The following ERC2 variants were observed in gnomAD, a reference collection of about 807,000 sequenced individuals.
The protein encoded by ERC2 is ELKS/RAB6-interacting/CAST family member 2.
ERC2 carries 42 observed loss-of-function variants against 114.8 expected under a neutral mutation model. The ratio of observed to expected loss-of-function variants is 0.37; its 90% CI spans 0.29 to 0.47. The LOEUF (loss-of-function observed/expected upper bound fraction) is 0.47, where lower values mean the gene tolerates loss of function less well. Among genes scored for constraint, ERC2 ranks in the 20% least tolerant of loss-of-function variants. The probability of loss-of-function intolerance (pLI) is 0.99; values close to 1 mark genes in which losing one functional copy is unlikely to be tolerated. For synonymous variants in ERC2, 454 were observed against 425.5 expected (o/e 1.07, Z -0.82); for missense variants, 939 against 1,150.7 (o/e 0.82, Z 2.66).
chr3:55,823,721 G>A (rs576467886), intron 14 of ERC2, among the ~76,000 whole-genome samples: 1 of 152,018 alleles, frequency 6.6e-6, no homozygotes, highest in Non-Finnish European at 1.5e-5. Flanking sequence ...CTTCTTCCTG[G>A]TTTCATTTTC....
intron 6 of ERC2, among the ~76,000 whole-genome samples, chr3:56,120,522 T>C (rs939477714): frequency 6.6e-6 from 1 of 152,120 alleles, no homozygotes; most frequent in East Asian, 1.9e-4. Flanking sequence ...AATGAAACTA[T>C]TGAGGAGGTG....
intron 3 of ERC2, among the ~76,000 whole-genome samples, chr3:56,283,025 C>T (rs2054452212): frequency 6.6e-6 from 1 of 152,176 alleles, no homozygotes; most frequent in Admixed American, 6.5e-5. Context: ...TCAGAAGTCC[C>T]CACGGTCAGC....
intron 3 of ERC2, among the ~76,000 whole-genome samples, chr3:56,175,700 G>T (rs564964159): frequency 6.6e-6 from 1 of 152,230 alleles, no homozygotes; most frequent in African/African-American, 2.4e-5. Context: ...ATCCCTGAAT[G>T]CAGAATTGGG....
At chr3:55,800,590 G>GTGAC (rs1010435671) in intron 14 of ERC2, among the ~76,000 whole-genome samples, 2 of 152,034 alleles carry the variant, frequency 1.3e-5, no homozygotes, top group African/African-American at 2.4e-5. Flanking sequence ...AAGACCTAAG[G>GTGAC]TGACTCCACA....
At chr3:55,846,693 TTCTCTCTC>T (rs34647203) in intron 14 of ERC2, among the ~76,000 whole-genome samples, 84 of 142,912 alleles carry the variant, frequency 5.9e-4, no homozygotes, top group African/African-American at 1.9e-3. Flanking sequence ...CTCTCTCTCT[TTCTCTCTC>T]TCTCTCTCTC....
At chr3:56,213,129 T>A (rs899685147) in intron 3 of ERC2, among the ~76,000 whole-genome samples, 2 of 152,112 alleles carry the variant, frequency 1.3e-5, no homozygotes, top group African/African-American at 4.8e-5. Context: ...CCAACTGAGG[T>A]ACCGGGTTCA....
intron 3 of ERC2, among the ~76,000 whole-genome samples, chr3:56,261,372 T>A (rs2052913579): frequency 2.0e-5 from 3 of 152,226 alleles, no homozygotes; most frequent in Non-Finnish European, 4.4e-5. Flanking sequence ...CTATCTACAC[T>A]GTCTAGTGGA....
At position 55,704,338 on chromosome 3, in the gene ERC2, C is replaced by G. The variant is rs1007241015; in HGVS notation, c.2713-4826G>C. 2.6e-5 allele frequency among the ~76,000 whole-genome samples: 4 copies of G among 152,150 alleles called. No homozygotes were observed. The East Asian group carries it at 7.7e-4, about 29-fold the overall frequency. ...AACAAACTTTGCTTTGATCAGTCAT[C>G]TGGATCAAGTTAACGATAAAACCTT... On this transcript the variant is annotated intron_variant, in intron 15 of 17. Transcript: ENST00000288221.
intron 11 of ERC2, among the ~76,000 whole-genome samples, chr3:55,987,738 ACTT>A (rs2070743822): frequency 6.6e-6 from 1 of 152,192 alleles, no homozygotes; most frequent in Non-Finnish European, 1.5e-5. Flanking sequence ...TCTTCCTCAA[ACTT>A]AGATAAGGCT....
intron 6 of ERC2, among the ~76,000 whole-genome samples, chr3:56,137,304 C>T (rs529868671): frequency 2.0e-5 from 3 of 152,162 alleles, no homozygotes; most frequent in South Asian, 2.1e-4. Context: ...CTAACTTTAT[C>T]GGTAATCCTG....
intron 9 of ERC2, among the ~76,000 whole-genome samples, chr3:56,009,236 A>G (rs1280522489): frequency 6.6e-6 from 1 of 152,220 alleles, no homozygotes; most frequent in African/African-American, 2.4e-5. Context: ...ACAAAGTCAA[A>G]GCTTCCATAT....
intron 13 of ERC2, among the ~76,000 whole-genome samples, chr3:55,942,065 C>G (rs899347723): frequency 2.6e-5 from 4 of 152,050 alleles, no homozygotes; most frequent in African/African-American, 9.7e-5. Flanking sequence ...CCATTCAAAT[C>G]CTATCAAAGG....
chr3:56,062,318 C>T (rs2076276591), intron 7 of ERC2, among the ~76,000 whole-genome samples: 1 of 152,160 alleles, frequency 6.6e-6, no homozygotes, highest in Admixed American at 6.5e-5. Context: ...CTGTACACCT[C>T]TGTACAAGAT....
chr3:56,295,777 A>C (rs1310930799), intron 3 of ERC2, among the ~76,000 whole-genome samples: 1 of 152,228 alleles, frequency 6.6e-6, no homozygotes, highest in African/African-American at 2.4e-5. Flanking sequence ...CTTACAGTTG[A>C]TATGTCCTGT....
At chr3:55,737,962 T>C (rs954831278) in intron 14 of ERC2, among the ~76,000 whole-genome samples, 1 of 152,184 alleles carries the variant, frequency 6.6e-6, no homozygotes, top group Non-Finnish European at 1.5e-5. Flanking sequence ...GATTCTCTAA[T>C]CTCAGGGTTG....
chr3:56,084,878 A>AG (rs1345438097), intron 6 of ERC2, among the ~76,000 whole-genome samples: 2 of 151,882 alleles, frequency 1.3e-5, no homozygotes, highest in Admixed American at 6.6e-5. Flanking sequence ...AAAAAAAAAA[A>AG]AAAAGAAAAG....
chr3:55,986,418 G>GA (rs776186245), intron 11 of ERC2, among the ~76,000 whole-genome samples: 2 of 152,236 alleles, frequency 1.3e-5, no homozygotes, highest in Non-Finnish European at 2.9e-5. Flanking sequence ...GCTCATGTCA[G>GA]AAAGATTTTT....
chr3:55,773,915 TC>T (rs1460746444), intron 14 of ERC2, among the ~76,000 whole-genome samples: 1 of 152,180 alleles, frequency 6.6e-6, no homozygotes, highest in Non-Finnish European at 1.5e-5. Context: ...TATATACTTA[TC>T]CAATTTGAGA....
At chr3:56,366,214 G>T (rs1455541491) in intron 2 of ERC2, among the ~76,000 whole-genome samples, 2 of 152,196 alleles carry the variant, frequency 1.3e-5, no homozygotes, top group African/African-American at 4.8e-5. Flanking sequence ...ACATGTATCC[G>T]AAACCTTCTC....
Sources: allele counts gnomAD v4.1 joint callset (sites outside exome capture counted in the v4.1 genomes callset), GRCh38; gene constraint gnomAD v4.1.1; transcripts MANE v1.5; gene names NCBI Gene and HGNC (gene_info 2026-07-23, HGNC 2026-07-21).